LHX4: variants seen among roughly 807,000 people sequenced by gnomAD.
LHX4 encodes the protein LIM/homeobox protein Lhx4.
Under a neutral mutation model 39.2 loss-of-function variants are expected in LHX4, and 16 were observed. That is an observed-to-expected ratio of 0.41 (90% CI 0.28 to 0.62). The LOEUF (loss-of-function observed/expected upper bound fraction) is 0.62, where lower values mean the gene tolerates loss of function less well. Ranked by LOEUF, LHX4 falls within the 20% of genes least tolerant of loss-of-function variation. The probability of loss-of-function intolerance (pLI) is 0.33; values close to 1 mark genes in which losing one functional copy is unlikely to be tolerated. For missense variants in LHX4, 439 were observed against 511.9 expected, an observed-to-expected ratio of 0.86 and a Z score of 1.37; for synonymous variants, 206 against 198.1, an observed-to-expected ratio of 1.04 and a Z score of -0.33.
chr1:180,270,895 CCCAG>C, intron 3 of LHX4: 6 of 235,502 alleles, frequency 2.5e-5, no homozygotes, highest in South Asian at 1.1e-4. Context: ...TGGCTGTGAG[CCCAG>C]CGACGCCAGG....
chr1:180,249,531 C>T (rs1043770632), intron 2 of LHX4, among the ~76,000 whole-genome samples: 8 of 152,218 alleles, frequency 5.3e-5, no homozygotes, highest in East Asian at 1.9e-4. Flanking sequence ...CAGGGAGGCT[C>T]GCCAAAGGCT....
At chr1:180,230,165 CA>C (rs1664138753), upstream of LHX4, 3 of 362,656 alleles carry the variant, frequency 8.3e-6, no homozygotes, top group Non-Finnish European at 1.6e-5. The surrounding 1 kb of genome is among the most constrained non-coding windows in gnomAD (Gnocchi z 5.8). Context: ...GTGAATGAAT[CA>C]AAACGCCCGG....
chr1:180,260,518 G>A (rs1424983269), intron 2 of LHX4, among the ~76,000 whole-genome samples: 1 of 151,844 alleles, frequency 6.6e-6, no homozygotes, highest in Non-Finnish European at 1.5e-5. Context: ...GAGCTCAGGT[G>A]CAGAGGCTGG....
Position 180,234,220 on chromosome 1 carries a change from T to G in LHX4, c.76+3615T>G, listed in dbSNP as rs3894208. 4.3e-5 allele frequency among the ~76,000 whole-genome samples: 3 copies of G among 70,230 alleles called. No individual in the cohort carries two copies. The highest frequency in any genetic ancestry group is 2.3e-4 in the African/African-American group (3 of 13,230). The allele number at this position is 70,230 out of a possible 152,430, so 46.1% of individuals were successfully genotyped here. ...ATATATATATATATATATATATATA[T>G]AATAGATTGAGATTCTATCATATTC... On this transcript the variant is annotated intron_variant, in intron 1 of 5. Coordinates refer to ENST00000263726, the MANE Select transcript of LHX4 (RefSeq NM_033343.4). The surrounding 1 kb of genome is among the most constrained non-coding windows in gnomAD (Gnocchi z 4.8).
intron 1 of LHX4, among the ~76,000 whole-genome samples, chr1:180,238,078 A>G (rs952878385): frequency 2.6e-5 from 4 of 152,260 alleles, no homozygotes; most frequent in African/African-American, 7.2e-5. Context: ...ATCCCTGCAA[A>G]TACATATTTA....
At chr1:180,272,317 G>A (rs1455966165) in intron 5 of LHX4, among the ~76,000 whole-genome samples, 1 of 152,146 alleles carries the variant, frequency 6.6e-6, no homozygotes, top group Non-Finnish European at 1.5e-5. Context: ...ATGAACAGAT[G>A]ACTGGGTTCC....
At chr1:180,237,044 T>C (rs1664336566) in intron 1 of LHX4, among the ~76,000 whole-genome samples, 1 of 152,246 alleles carries the variant, frequency 6.6e-6, no homozygotes, top group African/African-American at 2.4e-5. Context: ...CCACTGCTTT[T>C]AGTAAAATTC....
intron 1 of LHX4, among the ~76,000 whole-genome samples, chr1:180,244,641 G>A (rs1412928607): frequency 1.3e-5 from 2 of 152,204 alleles, no homozygotes; most frequent in African/African-American, 4.8e-5. Context: ...TGGCTGGGAG[G>A]AGAAATATAG....
At position 180,266,969 on chromosome 1, in the gene LHX4, C is replaced by T. The variant is rs770468932; in HGVS notation, c.451+375C>T. On this transcript the variant is annotated intron_variant, in intron 3 of 5. Transcript: ENST00000263726. This position sits in a 1 kb window ranked among gnomAD's most constrained non-coding sequence, Gnocchi z 5.7. ...GTCTGTATTGGACACGTGGGGCTGC[C>T]GCTTAGTTTTGCACATCAGGGTGCA... Among the ~76,000 whole-genome samples, 9 of 152,118 alleles carry T rather than the reference C, an allele frequency of 5.9e-5. No homozygotes were observed. Among genetic ancestry groups the T allele is most frequent in the Non-Finnish European group, 7.4e-5 (5 of 68,014 alleles).
chr1:180,265,981 C>T (rs770431653), intron 2 of LHX4, among the ~76,000 whole-genome samples: 11 of 152,164 alleles, frequency 7.2e-5, no homozygotes, highest in Non-Finnish European at 1.0e-4. Context: ...CTGTGGCACA[C>T]ACAGTTCCCT....
In LHX4 at chr1:180,276,847, T is replaced by G. The variant is rs1649064732; in HGVS notation, c.*2268T>G. The G allele has an allele frequency of 6.8e-6, 1 of 146,348 alleles. No individual in the cohort carries two copies. Among genetic ancestry groups the G allele is most frequent in the East Asian group, 2.1e-4 (1 of 4,876 alleles). 9.1% of individuals were successfully genotyped at this position (146,348 alleles called of 1,614,324 possible). On this transcript the variant is annotated 3_prime_UTR_variant, in exon 6 of 6. Coordinates refer to ENST00000263726, the MANE Select transcript of LHX4 (RefSeq NM_033343.4). ...AGGCTTTTTAAAAGGGGGGGGGGCA[T>G]CCTCCTCTGTGTAGCACTGTTTAAG...
At chr1:180,241,754 A>G (rs1664448049) in intron 1 of LHX4, among the ~76,000 whole-genome samples, 1 of 152,164 alleles carries the variant, frequency 6.6e-6, no homozygotes. Flanking sequence ...GAAAACTTTC[A>G]AATTCTCCCA....
intron 1 of LHX4, among the ~76,000 whole-genome samples, chr1:180,241,707 AC>A (rs1664447289): frequency 6.6e-6 from 1 of 152,220 alleles, no homozygotes; most frequent in African/African-American, 2.4e-5. Context: ...CATTTGGAAG[AC>A]CTAAAGATTT....
intron 2 of LHX4, among the ~76,000 whole-genome samples, chr1:180,250,344 TGTGTGC>T (rs1647572210): frequency 3.8e-5 from 2 of 52,882 alleles, no homozygotes; most frequent in South Asian, 8.9e-4. Context: ...TGTGTGTGTG[TGTGTGC>T]GCGCGTGGGT....
At chr1:180,231,136 C>T (rs1664167290) in intron 1 of LHX4, among the ~76,000 whole-genome samples, 1 of 151,244 alleles carries the variant, frequency 6.6e-6, no homozygotes, top group Middle Eastern at 3.5e-3. Flanking sequence ...TCCCCAGCCG[C>T]TACTGCCCGC....
intron 3 of LHX4, chr1:180,269,883 C>T (rs1222127980): frequency 6.8e-6 from 1 of 146,954 alleles, no homozygotes; most frequent in Non-Finnish European, 1.5e-5. Flanking sequence ...CTCCGGAATC[C>T]CTACCCTTCG....
intron 3 of LHX4, among the ~76,000 whole-genome samples, chr1:180,267,427 C>G (rs552896007): frequency 6.6e-6 from 1 of 152,364 alleles, no homozygotes; most frequent in South Asian, 2.1e-4. Flanking sequence ...CGGGGACTTT[C>G]CAGCGTAGAG....
intron 2 of LHX4, among the ~76,000 whole-genome samples, chr1:180,260,006 G>A (rs937822164): frequency 1.3e-5 from 2 of 151,622 alleles, no homozygotes; most frequent in African/African-American, 4.9e-5. Flanking sequence ...GAGAGGGAGG[G>A]CCTGGAAGGA....
At chr1:180,251,311 G>A (rs988406022) in intron 2 of LHX4, among the ~76,000 whole-genome samples, 3 of 152,254 alleles carry the variant, frequency 2.0e-5, no homozygotes, top group Middle Eastern at 3.4e-3. Context: ...GCCTCCACAC[G>A]CCAGCCCAGG....
Sources: gnomAD v4.1 joint callset for allele counts (sites outside exome capture counted in the v4.1 genomes callset) on GRCh38, gnomAD v4.1.1 for gene constraint, Gnocchi (gnomAD v3.1) non-coding constraint, MANE v1.5 for transcripts, NCBI Gene and HGNC (gene_info 2026-07-23, HGNC 2026-07-21) for gene names.